Variants in SLC25A18 observed in about 807,000 individuals in gnomAD.
SLC25A18 encodes solute carrier family 25 member 18.
Under a neutral mutation model 31.1 loss-of-function variants are expected in SLC25A18, and 24 were observed. That is an observed-to-expected ratio of 0.77 (90% CI 0.56 to 1.08). SLC25A18 has a LOEUF of 1.08. Ranked by LOEUF, SLC25A18 falls within the 50% of genes least tolerant of loss-of-function variation. The pLI, the probability that SLC25A18 is intolerant of heterozygous loss-of-function variation, is 0.00. For missense variants in SLC25A18, 371 were observed against 418.5 expected (o/e 0.89, Z 0.99); for synonymous variants, 173 against 161.9 (o/e 1.07, Z -0.52).
intron 9 of SLC25A18, chr22:17,589,034 C>G (rs2057636245): frequency 1.3e-5 from 2 of 149,442 alleles, no homozygotes; most frequent in Admixed American, 1.3e-4. Context: ...TGCACTCCAG[C>G]CTGGGCAACA....
chr22:17,582,939 G>C (rs771764056), intron 6 of SLC25A18, among the ~76,000 whole-genome samples: 12 of 152,212 alleles, frequency 7.9e-5, no homozygotes. Context: ...GCTGGCTGCA[G>C]TGGCTCATGC....
intron 1 of SLC25A18, among the ~76,000 whole-genome samples, chr22:17,566,638 C>T (rs1158926794): frequency 6.6e-6 from 1 of 152,122 alleles, no homozygotes; most frequent in African/African-American, 2.4e-5. Context: ...TCTCGAACTC[C>T]CAACCTCAGG....
chr22:17,574,587 G>C (rs907757988), intron 2 of SLC25A18, among the ~76,000 whole-genome samples: 1 of 144,666 alleles, frequency 6.9e-6, no homozygotes, highest in Non-Finnish European at 1.5e-5. Context: ...CGTCGTTTCG[G>C]CTCACTGCAA....
intron 9 of SLC25A18, chr22:17,588,389 G>A: frequency 3.4e-6 from 1 of 298,502 alleles, no homozygotes; most frequent in Non-Finnish European, 6.3e-6. Context: ...GCTCACGCTT[G>A]CAATCCCAGC....
chr22:17,585,096 T>TA (rs200271610), intron 7 of SLC25A18, among the ~76,000 whole-genome samples: 127 of 144,646 alleles, frequency 8.8e-4, no homozygotes, highest in African/African-American at 1.8e-3. Context: ...TAGTCTCCAG[T>TA]AAAAAAAAAA....
Position 17,581,083 on chromosome 22 carries a change from G to A in SLC25A18, c.67G>A (p.Val23Met), listed in dbSNP as rs201677903. ...INGGVAGLVG[V>M]TCVFPIDLAK... The stretch of plus-strand genomic sequence containing the variant: ...TGGAGGTGTAGCAGGGCTCGTGGGG[G>A]TGACCTGCGTGTTCCCCATCGACTT... Residue 23 changes from valine to methionine, a missense_variant, in exon 4 of 11, where the codon GTG (valine) becomes ATG (methionine). Val to Met is a conservative substitution (Grantham distance 21, BLOSUM62 1). Coordinates refer to ENST00000327451, the MANE Select transcript of SLC25A18 (RefSeq NM_031481.3). The A allele has an allele frequency of 6.4e-7, 1 of 1,564,870 alleles. No homozygotes were observed. The highest frequency in any genetic ancestry group is 2.3e-5 in the East Asian group (1 of 42,680).
At chr22:17,573,218 T>G (rs2057144104) in intron 2 of SLC25A18, among the ~76,000 whole-genome samples, 1 of 152,318 alleles carries the variant, frequency 6.6e-6, no homozygotes, top group Admixed American at 6.5e-5. Context: ...ATCATTCCTG[T>G]TAGCTCATTA....
chr22:17,589,713 C>T lies in SLC25A18; in HGVS notation c.806+48C>T, dbSNP rs371710998. The T allele has an allele frequency of 7.5e-5, 118 of 1,566,872 alleles. No homozygotes were observed. The African/African-American group carries it at 1.1e-3, about 15-fold the overall frequency. On this transcript the variant is annotated intron_variant, in intron 10 of 10. Coordinates refer to ENST00000327451, the MANE Select transcript of SLC25A18 (RefSeq NM_031481.3). Reference sequence around the variant, plus strand: ...ATGGTGGCTGGGACAGGTTCCTCTGCGTGGGTGTCTGCCTAGACCAGATTT... The same window carrying T: ...ATGGTGGCTGGGACAGGTTCCTCTGTGTGGGTGTCTGCCTAGACCAGATTT...
intron 3 of SLC25A18, chr22:17,580,425 T>TG (rs1014854852): frequency 3.6e-6 from 2 of 561,412 alleles, no homozygotes; most frequent in African/African-American, 2.0e-5. Flanking sequence ...CCCAGCAGGG[T>TG]GGGGGGCCAT....
At chr22:17,581,605 A>G (rs2057376135) in intron 5 of SLC25A18, 192 bp downstream of exon 5, 2 of 605,350 alleles carry the variant, frequency 3.3e-6, no homozygotes, top group Non-Finnish European at 5.8e-6. Context: ...AGACCCACAG[A>G]GCACACCCCC....
At chr22:17,580,748 G>C in intron 3 of SLC25A18, 3 of 1,181,942 alleles carry the variant, frequency 2.5e-6, no homozygotes, top group Non-Finnish European at 3.1e-6. Flanking sequence ...GCTTGGGGCA[G>C]AGCGGTGCCC....
chr22:17,581,157 A>G lies in SLC25A18; in HGVS notation c.141A>G (p.Gly47=). Residue 47 remains glycine (G), a splice_region_variant and synonymous_variant, in exon 4 of 11, where the codon GGA becomes GGG. Coordinates refer to ENST00000327451, the MANE Select transcript of SLC25A18 (RefSeq NM_031481.3). ...QNQHGKAMYK[G]MIDCLMKTAR... is the part of the protein sequence containing the mutation. ...AGCATGGGAAAGCCATGTACAAAGGAATGTAGGTGCTGGCAGGCGAGCGTG... is the reference window on the plus strand; with the variant it reads ...AGCATGGGAAAGCCATGTACAAAGGGATGTAGGTGCTGGCAGGCGAGCGTG... 6.3e-7 allele frequency: 1 copy of G among 1,592,618 alleles called. No homozygotes were observed. Among genetic ancestry groups the G allele is most frequent in the Non-Finnish European group, 8.6e-7 (1 of 1,167,986 alleles).
chr22:17,580,287 A>G (rs771712754), intron 3 of SLC25A18: 1 of 282,954 alleles, frequency 3.5e-6, no homozygotes, highest in East Asian at 6.3e-5. Context: ...TACCACTTCC[A>G]GGTAAATCCA....
intron 2 of SLC25A18, among the ~76,000 whole-genome samples, chr22:17,577,825 C>T (rs1044985268): frequency 6.6e-6 from 1 of 151,122 alleles, no homozygotes. Flanking sequence ...GTGATCCTCC[C>T]GCCACCATGC....
intron 2 of SLC25A18, among the ~76,000 whole-genome samples, chr22:17,571,968 G>T (rs2057099480): frequency 6.6e-6 from 1 of 151,790 alleles, no homozygotes; most frequent in Non-Finnish European, 1.5e-5. Flanking sequence ...AGTGAACCGA[G>T]ATCATGCCCC....
chr22:17,588,323 C>A (rs1238432733), intron 9 of SLC25A18: 2 of 452,492 alleles, frequency 4.4e-6, no homozygotes, highest in Non-Finnish European at 7.8e-6. Context: ...GAGTTGTGAG[C>A]CCCAGCTATA....
At chr22:17,576,503 A>G (rs2057233765) in intron 2 of SLC25A18, among the ~76,000 whole-genome samples, 1 of 152,188 alleles carries the variant, frequency 6.6e-6, no homozygotes, top group Non-Finnish European at 1.5e-5. Context: ...TCACTCAACA[A>G]ATATCTGTAG....
chr22:17,567,340 CTG>C (rs1449889053), intron 1 of SLC25A18, among the ~76,000 whole-genome samples: 2 of 152,152 alleles, frequency 1.3e-5, no homozygotes, highest in Admixed American at 1.3e-4. Context: ...AAGATTCAAA[CTG>C]TTTCAAAAGC....
rs988001015 is a variant in SLC25A18 at position 17,584,122 on chromosome 22, C to T, written c.409+588C>T. The T allele has an allele frequency of 5.1e-6, 5 of 978,104 alleles. No individual in the cohort carries two copies. The South Asian group carries it at 1.4e-4, about 28-fold the overall frequency. The allele number at this position is 978,104 out of a possible 1,614,324, so 60.6% of individuals were successfully genotyped here. ...ATTTTAAGAAATGCCAGCTGGGTGC[C>T]GTGGCTCACGCCTGTAATCCCAGCA... On this transcript the variant is annotated intron_variant, in intron 7 of 10. Coordinates refer to ENST00000327451, the MANE Select transcript of SLC25A18 (RefSeq NM_031481.3).
Sources: allele counts gnomAD v4.1 joint callset (sites outside exome capture counted in the v4.1 genomes callset), GRCh38; gene constraint gnomAD v4.1.1; transcripts MANE v1.5; gene names NCBI Gene and HGNC (gene_info 2026-07-23, HGNC 2026-07-21).